The following ELP4 variants were observed in gnomAD, a reference collection of about 807,000 sequenced individuals.
ELP4 encodes elongator complex protein 4.
A neutral mutation model predicts 48.9 loss-of-function variants in ELP4; 51 were observed. The observed-to-expected ratio is 1.04, with a 90% CI of 0.83 to 1.32. The LOEUF (loss-of-function observed/expected upper bound fraction) is 1.32. Ranked by LOEUF, ELP4 falls within the 40% of genes most tolerant of loss-of-function variation. The pLI, the probability that ELP4 is intolerant of heterozygous loss-of-function variation, is 0.00. For synonymous variants in ELP4, 210 were observed against 189.2 expected (o/e 1.11, Z -0.90); for missense variants, 519 against 514.6 (o/e 1.01, Z -0.08).
chr11:31,591,819 G>A (rs1957582694), intron 3 of ELP4, among the ~76,000 whole-genome samples: 1 of 152,110 alleles, frequency 6.6e-6, no homozygotes, highest in Non-Finnish European at 1.5e-5. Flanking sequence ...ATTTACAGCA[G>A]CATTACTCAT....
chr11:31,769,191 C>T (rs1432527554), intron 9 of ELP4, among the ~76,000 whole-genome samples: 2 of 152,102 alleles, frequency 1.3e-5, no homozygotes, highest in East Asian at 3.9e-4. Context: ...AGATTTAATG[C>T]TGCCAGGATG....
intron 3 of ELP4, among the ~76,000 whole-genome samples, chr11:31,567,215 G>A (rs893561177): frequency 6.6e-6 from 1 of 151,946 alleles, no homozygotes; most frequent in African/African-American, 2.4e-5. Flanking sequence ...TTACAGGCGT[G>A]AGCCACCGCA....
chr11:31,790,200 C>A lies in ELP4; in HGVS notation c.*6676C>A. The A allele has an allele frequency of 1.7e-6, 1 of 604,776 alleles. No homozygotes were observed. The highest frequency in any genetic ancestry group is 2.9e-6 in the Non-Finnish European group (1 of 349,544). The allele number at this position is 604,776 out of a possible 1,614,324, so 37.5% of individuals were successfully genotyped here. A position where few individuals can be genotyped will look rare whatever the true frequency, so the allele number is the denominator to read the frequency against. The stretch of plus-strand genomic sequence containing the variant: ...AAAAGTAGCACCTTCAGAAACTAGA[C>A]AATATATGTATATATACCTATTGGA... On this transcript the variant is annotated 3_prime_UTR_variant, in exon 10 of 10. Coordinates refer to ENST00000640961, the MANE Select transcript of ELP4 (RefSeq NM_019040.5).
At chr11:31,625,072 A>G (rs1398242244) in intron 5 of ELP4, among the ~76,000 whole-genome samples, 1 of 151,696 alleles carries the variant, frequency 6.6e-6, no homozygotes, top group Non-Finnish European at 1.5e-5. Context: ...AATAAATAGT[A>G]TAGTAAGTAC....
chr11:31,706,567 TATAATTA>T (rs906261322), intron 9 of ELP4, among the ~76,000 whole-genome samples: 1 of 147,970 alleles, frequency 6.8e-6, no homozygotes, highest in African/African-American at 2.4e-5. Context: ...ATTAAATTAA[TATAATTA>T]ATAATTAATG....
chr11:31,734,200 T>C (rs1295719005), intron 9 of ELP4, among the ~76,000 whole-genome samples: 2 of 151,958 alleles, frequency 1.3e-5, no homozygotes, highest in East Asian at 3.9e-4. Context: ...AACCTAGGAA[T>C]GAAAAGAAAT....
chr11:31,575,221 G>A (rs968234945), intron 3 of ELP4, among the ~76,000 whole-genome samples: 14 of 152,132 alleles, frequency 9.2e-5, no homozygotes, highest in Admixed American at 3.3e-4. Flanking sequence ...GAAATGAAGC[G>A]AGAAGAGAAG....
Position 31,789,413 on chromosome 11 carries a change from A to G in ELP4, c.*5889A>G, listed in dbSNP as rs1401540194. 5 of 368,528 alleles carry G rather than the reference A, an allele frequency of 1.4e-5. No individual in the cohort carries two copies. Among genetic ancestry groups the G allele is most frequent in the Non-Finnish European group, 2.4e-5 (5 of 207,314 alleles). The allele number at this position is 368,528 out of a possible 1,614,324, so 22.8% of individuals were successfully genotyped here. A position where few individuals can be genotyped will look rare whatever the true frequency, so the allele number is the denominator to read the frequency against. On this transcript the variant is annotated 3_prime_UTR_variant, in exon 10 of 10. Coordinates refer to ENST00000640961, the MANE Select transcript of ELP4 (RefSeq NM_019040.5). ...TTTGGAAAACCAACAGATATTTCTG[A>G]CATAAATCTAGTGCATGTTGTTCCA... is the stretch of plus-strand genomic sequence containing the variant.
intron 5 of ELP4, among the ~76,000 whole-genome samples, chr11:31,610,111 G>A (rs1230158231): frequency 2.0e-5 from 3 of 151,940 alleles, no homozygotes; most frequent in African/African-American, 7.3e-5. Context: ...CTAAAAATTC[G>A]GAAGTCATAT....
At chr11:31,678,259 C>G (rs537458169) in intron 9 of ELP4, among the ~76,000 whole-genome samples, 5 of 152,014 alleles carry the variant, frequency 3.3e-5, no homozygotes, top group African/African-American at 1.2e-4. Flanking sequence ...CCAACCTGGA[C>G]CACAAAATGA....
chr11:31,542,775 A>G (rs1387706041), intron 3 of ELP4, among the ~76,000 whole-genome samples: 1 of 152,224 alleles, frequency 6.6e-6, no homozygotes, highest in Admixed American at 6.5e-5. Context: ...TTAAAACATA[A>G]TAGACATGCA....
At chr11:31,675,882 C>G (rs571395982) in intron 9 of ELP4, among the ~76,000 whole-genome samples, 1 of 152,254 alleles carries the variant, frequency 6.6e-6, no homozygotes, top group Non-Finnish European at 1.5e-5. Context: ...TTTACCACCT[C>G]CAATGCTACC....
intron 3 of ELP4, among the ~76,000 whole-genome samples, chr11:31,544,461 A>C (rs897359302): frequency 1.3e-5 from 2 of 152,210 alleles, no homozygotes; most frequent in Non-Finnish European, 2.9e-5. Flanking sequence ...GGTGCCCGCC[A>C]TTGCCCAGGT....
chr11:31,658,237 A>G (rs1213893810), intron 9 of ELP4, among the ~76,000 whole-genome samples: 1 of 151,968 alleles, frequency 6.6e-6, no homozygotes. Flanking sequence ...TGATATATAT[A>G]TATGTAACAT....
chr11:31,770,513 A>AT (rs200933329), intron 9 of ELP4, among the ~76,000 whole-genome samples: 279 of 144,428 alleles, frequency 1.9e-3, no homozygotes, highest in African/African-American at 4.3e-3. Context: ...TACCTAAATG[A>AT]TTTTTTTTTC....
chr11:31,554,701 TTTA>T (rs1956902409), intron 3 of ELP4, among the ~76,000 whole-genome samples: 1 of 152,134 alleles, frequency 6.6e-6, no homozygotes, highest in Non-Finnish European at 1.5e-5. Context: ...TAACTGAAGT[TTTA>T]TAGCCTTTGA....
intron 7 of ELP4, among the ~76,000 whole-genome samples, chr11:31,639,252 G>A (rs774459906): frequency 4.6e-5 from 7 of 151,698 alleles, no homozygotes; most frequent in South Asian, 4.2e-4. Context: ...AGAAATTTAC[G>A]TATTTAAGAG....
chr11:31,553,177 C>A (rs1020697130), intron 3 of ELP4, among the ~76,000 whole-genome samples: 2 of 152,246 alleles, frequency 1.3e-5, no homozygotes, highest in African/African-American at 4.8e-5. Flanking sequence ...CCGTACAAGT[C>A]TTTTCTGTTT....
chr11:31,593,278 G>C (rs943249611), intron 3 of ELP4, among the ~76,000 whole-genome samples: 46 of 130,878 alleles, frequency 3.5e-4, no homozygotes, highest in Admixed American at 6.2e-4. Flanking sequence ...GTTAAGACAG[G>C]GTTTCACTTT....
Sources: gnomAD v4.1 joint callset for allele counts (sites outside exome capture counted in the v4.1 genomes callset) on GRCh38, gnomAD v4.1.1 for gene constraint, MANE v1.5 for transcripts, NCBI Gene and HGNC (gene_info 2026-07-23, HGNC 2026-07-21) for gene names.